The following FRMD5 variants were observed in gnomAD, a reference collection of about 807,000 sequenced individuals.
The protein encoded by FRMD5 is FERM domain-containing protein 5.
FRMD5 carries 20 observed loss-of-function variants against 69.0 expected under a neutral mutation model. The observed-to-expected ratio is 0.29, with a 90% CI of 0.20 to 0.42. The LOEUF is 0.42. Among genes scored for constraint, FRMD5 ranks in the 10% least tolerant of loss-of-function variants. FRMD5 has a pLI of 1.00. For synonymous variants in FRMD5, 271 were observed against 260.1 expected, an observed-to-expected ratio of 1.04 and a Z score of -0.40; for missense variants, 595 against 708.6, an observed-to-expected ratio of 0.84 and a Z score of 1.82.
intron 7 of FRMD5, among the ~76,000 whole-genome samples, chr15:43,900,792 T>A (rs1006375021): frequency 2.6e-5 from 4 of 152,122 alleles, no homozygotes; most frequent in Non-Finnish European, 5.9e-5. Flanking sequence ...TAGCTTTTTA[T>A]ATTTTTAGTA....
chr15:44,185,926 T>G (rs1378261614), intron 1 of FRMD5, among the ~76,000 whole-genome samples: 3 of 152,164 alleles, frequency 2.0e-5, no homozygotes, highest in African/African-American at 7.2e-5. Flanking sequence ...TTGTGTTTTT[T>G]GTCTGTTTGT....
chr15:43,955,951 G>A lies in FRMD5; in HGVS notation c.103-31642C>T, dbSNP rs528049392. On this transcript the variant is annotated intron_variant, in intron 1 of 13. Transcript: ENST00000417257. ...TACCACAGGTAAGACAAAAACATAA[G>A]GCTAAGTAACTAGTACATGCAAACA... Among the ~76,000 whole-genome samples the A allele has an allele frequency of 3.9e-5, 6 of 152,146 alleles. 1 individual carries two copies. The highest frequency in any genetic ancestry group is 1.4e-4 in the African/African-American group (6 of 41,518).
chr15:44,082,406 G>C (rs1894033743), intron 1 of FRMD5, among the ~76,000 whole-genome samples: 1 of 151,970 alleles, frequency 6.6e-6, no homozygotes, highest in Non-Finnish European at 1.5e-5. Flanking sequence ...CTTGCTATGT[G>C]ACAATCAGTC....
intron 1 of FRMD5, among the ~76,000 whole-genome samples, chr15:44,022,583 A>AG (rs1420370548): frequency 5.2e-5 from 4 of 77,340 alleles, no homozygotes; most frequent in East Asian, 3.4e-4. Context: ...CCACTCCACC[A>AG]GAAAAAAAAA....
At chr15:44,053,669 G>A (rs1324644525) in intron 1 of FRMD5, among the ~76,000 whole-genome samples, 1 of 152,130 alleles carries the variant, frequency 6.6e-6, no homozygotes, top group Admixed American at 6.6e-5. Flanking sequence ...GATGGATGAT[G>A]TCATTCATTA....
chr15:43,985,774 C>T (rs1027031478), intron 1 of FRMD5, among the ~76,000 whole-genome samples: 1 of 152,096 alleles, frequency 6.6e-6, no homozygotes, highest in South Asian at 2.1e-4. Flanking sequence ...TTCAAACAAA[C>T]TTAGAGATTG....
chr15:43,959,859 C>G (rs1291821092), intron 1 of FRMD5, among the ~76,000 whole-genome samples: 1 of 152,098 alleles, frequency 6.6e-6, no homozygotes. Context: ...CTCATTGATA[C>G]TACTGAAAGG....
At position 44,063,016 on chromosome 15, in the gene FRMD5, C is replaced by A. The variant is rs564608603; in HGVS notation, c.102+131937G>T. Among the ~76,000 whole-genome samples, 14 of 152,242 alleles carry A rather than the reference C, an allele frequency of 9.2e-5. No homozygotes were observed. The South Asian group carries it at 2.9e-3, about 32-fold the overall frequency. The stretch of plus-strand genomic sequence containing the variant: ...AACCATACAATTTTGATTACTGGTG[C>A]TTTAAACTTAAAATCAATGACAGTG... On this transcript the variant is annotated intron_variant, in intron 1 of 13. Transcript: ENST00000417257.
intron 1 of FRMD5, among the ~76,000 whole-genome samples, chr15:44,038,888 G>A (rs1892053343): frequency 6.6e-6 from 1 of 152,150 alleles, no homozygotes; most frequent in Admixed American, 6.5e-5. Context: ...CCAGTGCCTG[G>A]CTCGGCAGGT....
At chr15:44,116,079 A>T (rs2076863866) in intron 1 of FRMD5, among the ~76,000 whole-genome samples, 1 of 152,194 alleles carries the variant, frequency 6.6e-6, no homozygotes, top group South Asian at 2.1e-4. Context: ...ACAGTTGCTC[A>T]GATGAATGCT....
intron 1 of FRMD5, among the ~76,000 whole-genome samples, chr15:44,053,782 A>T (rs1892762264): frequency 6.6e-6 from 1 of 152,048 alleles, no homozygotes; most frequent in Non-Finnish European, 1.5e-5. Flanking sequence ...AATTAGATAT[A>T]AAAAAACTGA....
intron 1 of FRMD5, among the ~76,000 whole-genome samples, chr15:43,941,240 T>A (rs769536007): frequency 1.2e-4 from 19 of 152,154 alleles, no homozygotes; most frequent in Non-Finnish European, 2.2e-4. Context: ...TGGTAACGTG[T>A]GCCTGTAGTC....
intron 1 of FRMD5, among the ~76,000 whole-genome samples, chr15:44,045,480 A>C (rs1032105115): frequency 6.6e-6 from 1 of 152,200 alleles, no homozygotes; most frequent in Non-Finnish European, 1.5e-5. Context: ...ACCCACATCA[A>C]CAAGAATCAA....
intron 1 of FRMD5, among the ~76,000 whole-genome samples, chr15:44,166,439 T>C (rs923102057): frequency 1.3e-5 from 2 of 152,212 alleles, no homozygotes; most frequent in African/African-American, 4.8e-5. Context: ...TTATGTGGTA[T>C]ATCTTTGGAT....
chr15:43,913,135 C>T (rs750072297), intron 4 of FRMD5, among the ~76,000 whole-genome samples: 1 of 152,128 alleles, frequency 6.6e-6, no homozygotes, highest in Admixed American at 6.5e-5. Flanking sequence ...CACTGAGAAC[C>T]ACTGTCTTTC....
At chr15:44,131,816 A>C (rs2077103426) in intron 1 of FRMD5, among the ~76,000 whole-genome samples, 2 of 13,188 alleles carry the variant, frequency 1.5e-4, no homozygotes, top group African/African-American at 1.8e-4. Flanking sequence ...GTATTGTATA[A>C]TGCAGTGGTC....
chr15:43,974,796 A>G (rs1462294859), intron 1 of FRMD5, among the ~76,000 whole-genome samples: 2 of 152,244 alleles, frequency 1.3e-5, no homozygotes, highest in African/African-American at 2.4e-5. Flanking sequence ...AACAGAAATC[A>G]AAGGCTTCCT....
intron 1 of FRMD5, among the ~76,000 whole-genome samples, chr15:44,151,951 T>C (rs2077453869): frequency 1.3e-5 from 2 of 152,208 alleles, no homozygotes; most frequent in African/African-American, 4.8e-5. Context: ...GGATCACAAC[T>C]GTAATCTCAG....
intron 1 of FRMD5, among the ~76,000 whole-genome samples, chr15:44,050,948 G>A (rs1390994361): frequency 6.6e-6 from 1 of 151,290 alleles, no homozygotes; most frequent in Non-Finnish European, 1.5e-5. Flanking sequence ...ATGAGTCACC[G>A]TGCCCAGCCT....
Sources: allele counts gnomAD v4.1 joint callset (sites outside exome capture counted in the v4.1 genomes callset), GRCh38; gene constraint gnomAD v4.1.1; transcripts MANE v1.5; gene names NCBI Gene and HGNC (gene_info 2026-07-23, HGNC 2026-07-21).